Variants in RNF38 observed in about 807,000 individuals in gnomAD.
RNF38 encodes E3 ubiquitin-protein ligase RNF38.
A neutral mutation model predicts 67.2 loss-of-function variants in RNF38; 15 were observed. The ratio of observed to expected loss-of-function variants is 0.22; its 90% CI spans 0.15 to 0.34. RNF38 has a LOEUF of 0.34. RNF38 is among the 10% of genes least tolerant of loss of function. The pLI is 1.00. For synonymous variants in RNF38, 220 were observed against 218.8 expected (o/e 1.01, Z -0.05); for missense variants, 524 against 639.9 (o/e 0.82, Z 1.95).
intron 3 of RNF38, among the ~76,000 whole-genome samples, chr9:36,375,409 C>A (rs1369035233): frequency 1.3e-5 from 2 of 152,128 alleles, no homozygotes; most frequent in Non-Finnish European, 2.9e-5. Context: ...CCAGGCTGGT[C>A]TCGAACTCCT....
intron 1 of RNF38, among the ~76,000 whole-genome samples, chr9:36,447,781 G>T (rs1012235303): frequency 6.6e-6 from 1 of 152,120 alleles, no homozygotes; most frequent in Non-Finnish European, 1.5e-5. Context: ...ATGACCTTAG[G>T]GTCCAGACCA....
intron 1 of RNF38, among the ~76,000 whole-genome samples, chr9:36,454,287 C>T (rs1046458274): frequency 2.0e-5 from 3 of 152,038 alleles, no homozygotes; most frequent in African/African-American, 4.8e-5. Context: ...CCATGCCTGG[C>T]TAATTTTGTT....
intron 1 of RNF38, among the ~76,000 whole-genome samples, chr9:36,450,946 T>C (rs1215000052): frequency 6.6e-6 from 1 of 152,126 alleles, no homozygotes; most frequent in African/African-American, 2.4e-5. Context: ...CCAGACAATA[T>C]GAGTCTCCTA....
At chr9:36,441,103 A>C (rs1317302323) in intron 1 of RNF38, among the ~76,000 whole-genome samples, 2 of 152,122 alleles carry the variant, frequency 1.3e-5, no homozygotes, top group African/African-American at 4.8e-5. Flanking sequence ...GGGTGTTAGA[A>C]GAAAAGATGA....
chr9:36,354,274 C>T (rs1483445453), intron 6 of RNF38, among the ~76,000 whole-genome samples: 1 of 152,142 alleles, frequency 6.6e-6, no homozygotes, highest in Admixed American at 6.5e-5. Context: ...CTCACTGCAA[C>T]CTCTGCCTCC....
chr9:36,481,162 G>A (rs1587221174), intron 1 of RNF38, among the ~76,000 whole-genome samples: 1 of 151,722 alleles, frequency 6.6e-6, no homozygotes, highest in Non-Finnish European at 1.5e-5. Flanking sequence ...TTACACGTGC[G>A]TGCCACCACG....
chr9:36,478,264 C>T (rs1266857261), intron 1 of RNF38, among the ~76,000 whole-genome samples: 4 of 151,196 alleles, frequency 2.6e-5, no homozygotes, highest in African/African-American at 7.3e-5. Context: ...ATTACCCGGG[C>T]GTGGTAGCGG....
At position 36,416,138 on chromosome 9, in the gene RNF38, G is replaced by T. The variant is rs1250629343; in HGVS notation, n.312+8475C>A. On this transcript the variant is annotated intron_variant and non_coding_transcript_variant, in intron 2 of 3. Coordinates refer to the RNF38 transcript ENST00000488058. ...GACCATCAAGTAAGGGCCAGGTTAGGCATATCTGAGACTCTCCTTGGGCGG... is the reference window on the plus strand; with the variant it reads ...GACCATCAAGTAAGGGCCAGGTTAGTCATATCTGAGACTCTCCTTGGGCGG... Among the ~76,000 whole-genome samples, 5 of 137,944 alleles carry T rather than the reference G, an allele frequency of 3.6e-5. No individual in the cohort carries two copies. The East Asian group carries it at 1.2e-3, about 33-fold the overall frequency. 90.5% of individuals were successfully genotyped at this position (137,944 alleles called of 152,430 possible). A position where few individuals can be genotyped will look rare whatever the true frequency, so the allele number is the denominator to read the frequency against.
chr9:36,356,536 T>C (rs537404046), intron 5 of RNF38, 63 bp from the exon 6 acceptor site: 10 of 1,374,030 alleles, frequency 7.3e-6, no homozygotes, highest in African/African-American at 4.4e-5. Context: ...TTTAAAAGGA[T>C]AGTGAGATTA....
At position 36,351,186 on chromosome 9, in the gene RNF38, C is replaced by A; in HGVS notation, c.1192G>T (p.Val398Leu). Residue 398 changes from valine (V) to leucine (L), a missense_variant, in exon 9 of 12, where the codon GTG becomes TTG. Transcript: ENST00000259605. ...AAAGTTGGGCCCACTGCAGGTGGCACTGGAAGCATTGATCTGCAGTGAAAA... is the reference window on the plus strand; with the variant it reads ...AAAGTTGGGCCCACTGCAGGTGGCAATGGAAGCATTGATCTGCAGTGAAAA... ...LLPYVLSMLP[V>L]PPAVGPTFSF... is the part of the protein sequence containing the mutation. The A allele has an allele frequency of 6.2e-7, 1 of 1,611,862 alleles. No individual in the cohort carries two copies. Among genetic ancestry groups the A allele is most frequent in the East Asian group, 2.2e-5 (1 of 44,826 alleles).
chr9:36,399,418 A>G (rs1032287989), intron 1 of RNF38, among the ~76,000 whole-genome samples: 2 of 150,474 alleles, frequency 1.3e-5, no homozygotes, highest in African/African-American at 4.9e-5. Context: ...CATAAAAATC[A>G]ACTTAAAATT....
At chr9:36,394,184 A>G (rs1286892048) in intron 1 of RNF38, among the ~76,000 whole-genome samples, 1 of 152,312 alleles carries the variant, frequency 6.6e-6, no homozygotes, top group East Asian at 1.9e-4. Context: ...CTGAGGCAGG[A>G]GAATCACTTG....
chr9:36,366,245 TTATTA>T (rs1375097814), intron 4 of RNF38, among the ~76,000 whole-genome samples: 8 of 152,134 alleles, frequency 5.3e-5, no homozygotes, highest in African/African-American at 1.7e-4. Flanking sequence ...CACAACAGCA[TTATTA>T]TATTTTTAAA....
At chr9:36,365,331 C>A (rs760626154) in intron 4 of RNF38, among the ~76,000 whole-genome samples, 1 of 152,096 alleles carries the variant, frequency 6.6e-6, no homozygotes, top group Admixed American at 6.5e-5. Flanking sequence ...CTTTGGGAGG[C>A]TGAGGCAGGC....
chr9:36,392,088 A>G (rs1283783559), intron 1 of RNF38, among the ~76,000 whole-genome samples: 1 of 152,236 alleles, frequency 6.6e-6, no homozygotes, highest in African/African-American at 2.4e-5. Context: ...GTAAGGAAGC[A>G]GCCAGAAACC....
At chr9:36,402,381 A>G (rs532011986), upstream of RNF38, among the ~76,000 whole-genome samples, 1 of 152,052 alleles carries the variant, frequency 6.6e-6, no homozygotes, top group Non-Finnish European at 1.5e-5. Context: ...AGTGCCAACC[A>G]TACCTTTAAG....
At chr9:36,472,736 C>T (rs962108850) in intron 1 of RNF38, among the ~76,000 whole-genome samples, 8 of 152,202 alleles carry the variant, frequency 5.3e-5, no homozygotes, top group Non-Finnish European at 1.2e-4. Flanking sequence ...CAAACAAGCA[C>T]TCAGTTAAGA....
chr9:36,405,532 C>T (rs1838157260), upstream of RNF38, among the ~76,000 whole-genome samples: 1 of 152,186 alleles, frequency 6.6e-6, no homozygotes, highest in Non-Finnish European at 1.5e-5. Context: ...GTTACAAAGA[C>T]TTATGCTAGC....
chr9:36,433,373 A>T lies in RNF38; in HGVS notation n.242-8690T>A, dbSNP rs551778931. On this transcript the variant is annotated intron_variant and non_coding_transcript_variant, in intron 1 of 3. Coordinates refer to the RNF38 transcript ENST00000488058. ...TTAGGCATTGTATGCCTGTATCAAA[A>T]TATCTCATGTACCCCCATAAATATA... Among the ~76,000 whole-genome samples, 347 of 152,158 alleles carry T rather than the reference A, an allele frequency of 2.3e-3. 1 individual carries two copies. Among genetic ancestry groups the T allele is most frequent in the African/African-American group, 8.1e-3 (337 of 41,506 alleles).
Sources: allele counts gnomAD v4.1 joint callset (sites outside exome capture counted in the v4.1 genomes callset), GRCh38; gene constraint gnomAD v4.1.1; transcripts MANE v1.5; gene names NCBI Gene and HGNC (gene_info 2026-07-23, HGNC 2026-07-21).